Variants in GPATCH2 observed in about 807,000 individuals in gnomAD.
The protein encoded by GPATCH2 is G-patch domain containing 2, also known as G patch domain-containing protein 2.
GPATCH2 carries 51 observed loss-of-function variants against 58.0 expected under a neutral mutation model. That is an observed-to-expected ratio of 0.88 (90% CI 0.70 to 1.11). The LOEUF is 1.11. Among genes scored for constraint, GPATCH2 ranks in the 50% most tolerant of loss-of-function variants. The probability of loss-of-function intolerance (pLI) is 0.00; values close to 1 mark genes in which losing one functional copy is unlikely to be tolerated. For synonymous variants in GPATCH2, 222 were observed against 218.5 expected (o/e 1.02, Z -0.14); for missense variants, 625 against 652.2 (o/e 0.96, Z 0.45).
chr1:217,539,679 G>C (rs908260327), intron 5 of GPATCH2, among the ~76,000 whole-genome samples: 2 of 152,106 alleles, frequency 1.3e-5, no homozygotes, highest in Non-Finnish European at 2.9e-5. Context: ...AGAATTTCTG[G>C]AGTAATACAT....
At chr1:217,596,933 T>C (rs1216692151) in intron 5 of GPATCH2, among the ~76,000 whole-genome samples, 3 of 152,128 alleles carry the variant, frequency 2.0e-5, no homozygotes, top group African/African-American at 7.2e-5. Flanking sequence ...ATTGATCATA[T>C]ATTTATTTCA....
chr1:217,601,407 T>C lies in GPATCH2; in HGVS notation c.1098+8914A>G, dbSNP rs542851121. On this transcript the variant is annotated intron_variant, in intron 5 of 9. Transcript: ENST00000366935. The stretch of plus-strand genomic sequence containing the variant: ...ATATGTATAATTATTACTGTCTCAA[T>C]TAAAAAAATAAACATAAAGGCAAAA... 5.6e-4 allele frequency among the ~76,000 whole-genome samples: 85 copies of C among 150,734 alleles called. 1 individual carries two copies. The highest frequency in any genetic ancestry group is 1.9e-4 in the Non-Finnish European group (13 of 67,534).
intron 5 of GPATCH2, among the ~76,000 whole-genome samples, chr1:217,529,075 C>T (rs1373560866): frequency 6.6e-6 from 1 of 152,036 alleles, no homozygotes; most frequent in African/African-American, 2.4e-5. Context: ...TAAAAGATTC[C>T]CCTATAATTA....
chr1:217,440,757 A>G (rs1237554535), intron 9 of GPATCH2, among the ~76,000 whole-genome samples: 1 of 152,224 alleles, frequency 6.6e-6, no homozygotes, highest in Non-Finnish European at 1.5e-5. Context: ...CCCATTCACA[A>G]TTGCTACAAA....
At chr1:217,575,940 T>A (rs551048843) in intron 5 of GPATCH2, among the ~76,000 whole-genome samples, 1 of 152,278 alleles carries the variant, frequency 6.6e-6, no homozygotes, top group African/African-American at 2.4e-5. Context: ...TATTATCATC[T>A]ATTACTGTCC....
At chr1:217,573,048 T>A (rs1035584643) in intron 5 of GPATCH2, among the ~76,000 whole-genome samples, 1 of 152,200 alleles carries the variant, frequency 6.6e-6, no homozygotes. Flanking sequence ...CAAAAGTTCA[T>A]AACCCCTTCA....
Position 217,605,862 on chromosome 1 carries a change from T to G in GPATCH2, c.1098+4459A>C, listed in dbSNP as rs1372518681. 2.0e-5 allele frequency among the ~76,000 whole-genome samples: 3 copies of G among 152,160 alleles called. No homozygotes were observed. In the East Asian group the frequency reaches 5.8e-4, roughly 29 times the overall value. On this transcript the variant is annotated intron_variant, in intron 5 of 9. Coordinates refer to ENST00000366935, the MANE Select transcript of GPATCH2 (RefSeq NM_018040.5). Reference sequence around the variant, plus strand: ...GGCATCATTATTCTGAGAAATATTATTCTGAATTGAGTTTAATGCACAAAC... The same window carrying G: ...GGCATCATTATTCTGAGAAATATTAGTCTGAATTGAGTTTAATGCACAAAC...
At chr1:217,497,684 T>C (rs151332990) in intron 7 of GPATCH2, among the ~76,000 whole-genome samples, 65 of 152,238 alleles carry the variant, frequency 4.3e-4, no homozygotes, top group African/African-American at 1.5e-3. Flanking sequence ...CCCCTTTATT[T>C]TAAAAATAAC....
intron 7 of GPATCH2, among the ~76,000 whole-genome samples, chr1:217,495,623 C>T (rs1485459933): frequency 1.3e-5 from 2 of 152,184 alleles, no homozygotes; most frequent in East Asian, 1.9e-4. Context: ...CCTTCCACCC[C>T]TGAACTAACT....
intron 6 of GPATCH2, among the ~76,000 whole-genome samples, chr1:217,506,112 A>G (rs1662546945): frequency 6.6e-6 from 1 of 152,198 alleles, no homozygotes; most frequent in South Asian, 2.1e-4. Flanking sequence ...AAGTTTCTTA[A>G]TTGCAATGGC....
At chr1:217,443,034 A>G (rs1659219366) in intron 9 of GPATCH2, among the ~76,000 whole-genome samples, 1 of 152,120 alleles carries the variant, frequency 6.6e-6, no homozygotes, top group Non-Finnish European at 1.5e-5. Flanking sequence ...ATTCTCTCAC[A>G]TTTTACATAT....
chr1:217,533,904 T>C (rs1189822369), intron 5 of GPATCH2, among the ~76,000 whole-genome samples: 1 of 152,100 alleles, frequency 6.6e-6, no homozygotes, highest in African/African-American at 2.4e-5. Context: ...TAAATGAATA[T>C]AAAATAAGAT....
At chr1:217,538,078 A>T (rs1042009940) in intron 5 of GPATCH2, among the ~76,000 whole-genome samples, 1 of 152,202 alleles carries the variant, frequency 6.6e-6, no homozygotes, top group African/African-American at 2.4e-5. Flanking sequence ...ACTTAGATAG[A>T]TTCCTGTAGG....
In GPATCH2 at chr1:217,547,537, A is replaced by T. The variant is rs567700076; in HGVS notation, c.1099-32648T>A. On this transcript the variant is annotated intron_variant, in intron 5 of 9. Coordinates refer to ENST00000366935, the MANE Select transcript of GPATCH2 (RefSeq NM_018040.5). The stretch of plus-strand genomic sequence containing the variant: ...TCATTACTGCATATATACCCAAAGG[A>T]ATATAAGTCATTCTATTATAAAGAC... 1.6e-4 allele frequency among the ~76,000 whole-genome samples: 25 copies of T among 152,322 alleles called. 1 individual carries two copies. In the South Asian group the frequency reaches 3.3e-3, roughly 20 times the overall value.
intron 5 of GPATCH2, among the ~76,000 whole-genome samples, chr1:217,557,477 A>G (rs1003191055): frequency 9.3e-5 from 14 of 151,258 alleles, no homozygotes; most frequent in African/African-American, 2.9e-4. Flanking sequence ...CTTTTCCTCT[A>G]TAAACTTTTT....
intron 8 of GPATCH2, among the ~76,000 whole-genome samples, chr1:217,463,557 C>T (rs1368356818): frequency 6.9e-6 from 1 of 144,042 alleles, no homozygotes; most frequent in African/African-American, 2.6e-5. Flanking sequence ...GTAATCCCAG[C>T]ACTTTGGGAG....
intron 5 of GPATCH2, among the ~76,000 whole-genome samples, chr1:217,596,408 T>C (rs535375965): frequency 6.6e-6 from 1 of 152,316 alleles, no homozygotes; most frequent in Non-Finnish European, 1.5e-5. Context: ...TCCTGTGACC[T>C]TGAACAAGTC....
At chr1:217,589,708 A>G (rs926684753) in intron 5 of GPATCH2, among the ~76,000 whole-genome samples, 2 of 152,186 alleles carry the variant, frequency 1.3e-5, no homozygotes, top group South Asian at 4.1e-4. Flanking sequence ...CAGGGAAAAG[A>G]ATCATTAAAT....
rs1046208820 is a variant in GPATCH2 at position 217,620,235 on chromosome 1, G to A, written c.321C>T (p.His107=). ...CACTGTGATCTTTTTTATTATTATT[G>A]TGATTCTCTCTATAGTCCTTGCTTG... ...EEPSKDYREN[H]NNNKKDHSDS... is the part of the protein sequence containing the mutation. The change falls in exon 2 of 10, where the codon CAC becomes CAT. Residue 107 remains histidine (H), a synonymous_variant. Transcript: ENST00000366935. 38 of 1,613,510 alleles carry A rather than the reference G, an allele frequency of 2.4e-5. No individual in the cohort carries two copies. The highest frequency in any genetic ancestry group is 3.1e-5 in the Non-Finnish European group (37 of 1,179,724).
Sources: allele counts gnomAD v4.1 joint callset (sites outside exome capture counted in the v4.1 genomes callset), GRCh38; gene constraint gnomAD v4.1.1; transcripts MANE v1.5; gene names NCBI Gene and HGNC (gene_info 2026-07-23, HGNC 2026-07-21).